WASF2: variants seen among roughly 807,000 people sequenced by gnomAD.
WASF2 encodes the protein actin-binding protein WASF2.
In WASF2, 14 loss-of-function variants were observed where a neutral mutation model predicts 45.0. The observed-to-expected ratio is 0.31, with a 90% confidence interval of 0.21 to 0.49. WASF2 has a LOEUF of 0.49. Ranked by LOEUF, WASF2 falls within the 20% of genes least tolerant of loss-of-function variation. WASF2 has a pLI of 0.99. For synonymous variants in WASF2, 200 were observed against 236.3 expected (o/e 0.85, Z 1.41); for missense variants, 439 against 636.1 (o/e 0.69, Z 3.33).
chr1:27,408,831 G>A (rs947320047), intron 8 of WASF2, among the ~76,000 whole-genome samples: 2 of 152,008 alleles, frequency 1.3e-5, no homozygotes, highest in Non-Finnish European at 2.9e-5. Context: ...GGGAGGGAAG[G>A]GGAGGGGAGG....
intron 1 of WASF2, among the ~76,000 whole-genome samples, chr1:27,444,412 T>C (rs1039871679): frequency 2.6e-5 from 4 of 152,178 alleles, no homozygotes; most frequent in African/African-American, 9.7e-5. Context: ...TGTGATAACA[T>C]ATGTAAGCAT....
chr1:27,420,049 TGC>T (rs1271180983), intron 2 of WASF2, among the ~76,000 whole-genome samples: 1 of 152,070 alleles, frequency 6.6e-6, no homozygotes, highest in Non-Finnish European at 1.5e-5. Context: ...GGATTACAGA[TGC>T]GCACCACCAT....
At chr1:27,473,477 A>G (rs1358582683) in intron 1 of WASF2, among the ~76,000 whole-genome samples, 1 of 151,266 alleles carries the variant, frequency 6.6e-6, no homozygotes, top group Non-Finnish European at 1.5e-5. Flanking sequence ...AAAAAAAAGA[A>G]AGAAAAAAAA....
chr1:27,452,135 C>T (rs1449568441), intron 1 of WASF2, among the ~76,000 whole-genome samples: 1 of 152,138 alleles, frequency 6.6e-6, no homozygotes, highest in Non-Finnish European at 1.5e-5. Context: ...AAAAGAAGAA[C>T]TAGGGAGAAC....
At chr1:27,475,361 C>T (rs1410485408) in intron 1 of WASF2, among the ~76,000 whole-genome samples, 2 of 152,188 alleles carry the variant, frequency 1.3e-5, no homozygotes, top group Non-Finnish European at 2.9e-5. Flanking sequence ...TAATACATAG[C>T]CATGGTAGGC....
At chr1:27,430,222 G>A (rs931105207) in intron 1 of WASF2, among the ~76,000 whole-genome samples, 5 of 152,204 alleles carry the variant, frequency 3.3e-5, no homozygotes, top group African/African-American at 1.2e-4. Context: ...ACAATGAACT[G>A]ATCCTCTTTC....
In WASF2 at chr1:27,410,737, G is replaced by A. The variant is rs1373541341; in HGVS notation, c.825-531C>T. On this transcript the variant is annotated intron_variant, in intron 7 of 8. Transcript: ENST00000618852. The surrounding 1 kb of genome is among the most constrained non-coding windows in gnomAD (Gnocchi z 4.2). ...CAAGCCAGGCTGACCACACCTGAGT[G>A]GGATATAGATTTAGGTGAATGCATC... is the stretch of plus-strand genomic sequence containing the variant. 2.0e-5 allele frequency among the ~76,000 whole-genome samples: 3 copies of A among 152,232 alleles called. No individual in the cohort carries two copies. The highest frequency in any genetic ancestry group is 4.4e-5 in the Non-Finnish European group (3 of 68,044).
At chr1:27,454,835 C>T (rs1272401248) in intron 1 of WASF2, among the ~76,000 whole-genome samples, 1 of 152,174 alleles carries the variant, frequency 6.6e-6, no homozygotes, top group Non-Finnish European at 1.5e-5. Flanking sequence ...TCATGATTAA[C>T]TTATCCAATC....
At position 27,444,594 on chromosome 1, in the gene WASF2, G is replaced by A. The variant is rs1167396246; in HGVS notation, c.-43-15661C>T. Among the ~76,000 whole-genome samples, 6 of 152,128 alleles carry A rather than the reference G, an allele frequency of 3.9e-5. No individual in the cohort carries two copies. In the East Asian group the frequency reaches 5.8e-4, roughly 15 times the overall value. ...CATTACACAAAGGTGTTCCTAAATGGTCCTCTTTTATTTGGTTTCAGTGGA... is the reference window on the plus strand; with the variant it reads ...CATTACACAAAGGTGTTCCTAAATGATCCTCTTTTATTTGGTTTCAGTGGA... On this transcript the variant is annotated intron_variant, in intron 1 of 8. Transcript: ENST00000618852.
chr1:27,411,878 A>T (rs2016765582), intron 7 of WASF2, among the ~76,000 whole-genome samples: 2 of 152,338 alleles, frequency 1.3e-5, no homozygotes, highest in African/African-American at 4.8e-5. Flanking sequence ...TAAATAAATA[A>T]GTAAATAAAA....
In WASF2 at chr1:27,404,946, C is replaced by G. The variant is rs2016643975; in HGVS notation, c.*3243G>C. The G allele has an allele frequency of 1.3e-5, 2 of 152,990 alleles. No individual in the cohort carries two copies. Among genetic ancestry groups the G allele is most frequent in the African/African-American group, 4.8e-5 (2 of 41,470 alleles). 9.5% of individuals were successfully genotyped at this position (152,990 alleles called of 1,614,324 possible). A position where few individuals can be genotyped will look rare whatever the true frequency, so the allele number is the denominator to read the frequency against. The stretch of plus-strand genomic sequence containing the variant: ...TGACATCTCTCATGAGCAAAGCCCC[C>G]TGGCCTTGGAGCACTGGCTCCCTCC... On this transcript the variant is annotated 3_prime_UTR_variant, in exon 9 of 9. Coordinates refer to ENST00000618852, the MANE Select transcript of WASF2 (RefSeq NM_006990.5).
intron 1 of WASF2, among the ~76,000 whole-genome samples, chr1:27,454,175 ATATATATATATATTTTTT>A (rs1183204248): frequency 0.24 from 7,874 of 33,266 alleles, 322 homozygotes; most frequent in Non-Finnish European, 0.3. Flanking sequence ...ATATATATAT[ATATATATATATATTTTTT>A]TTTTTTTTTT....
In WASF2 at chr1:27,410,364, C is replaced by A. The variant is rs2016745837; in HGVS notation, c.825-158G>T. Among the ~76,000 whole-genome samples the A allele has an allele frequency of 6.6e-6, 1 of 152,130 alleles. No individual in the cohort carries two copies. The highest frequency in any genetic ancestry group is 2.4e-5 in the African/African-American group (1 of 41,414). On this transcript the variant is annotated intron_variant, in intron 7 of 8. Coordinates refer to ENST00000618852, the MANE Select transcript of WASF2 (RefSeq NM_006990.5). This position sits in a 1 kb window ranked among gnomAD's most constrained non-coding sequence, Gnocchi z 4.2. ...AAGCCTACAGATGGTCATAACAGAC[C>A]AATAATGAAATAAGCAGCCTTTTAA... is the stretch of plus-strand genomic sequence containing the variant.
In WASF2 at chr1:27,480,680, C is replaced by A. The variant is rs1416384226; in HGVS notation, c.-44+9306G>T. Reference sequence around the variant, plus strand: ...TCTTGTTACTTTACTATGTCAATTACAAAGCTTAAAATTCACACAAGCCAC... The same window carrying A: ...TCTTGTTACTTTACTATGTCAATTAAAAAGCTTAAAATTCACACAAGCCAC... On this transcript the variant is annotated intron_variant, in intron 1 of 8. Coordinates refer to ENST00000618852, the MANE Select transcript of WASF2 (RefSeq NM_006990.5). Among the ~76,000 whole-genome samples, 3 of 152,102 alleles carry A rather than the reference C, an allele frequency of 2.0e-5. No homozygotes were observed. In the South Asian group the frequency reaches 6.2e-4, roughly 31 times the overall value.
chr1:27,486,860 G>C (rs1290198263), intron 1 of WASF2, among the ~76,000 whole-genome samples: 1 of 151,376 alleles, frequency 6.6e-6, no homozygotes, highest in South Asian at 2.1e-4. Flanking sequence ...GGAGGCGGAG[G>C]TTGCAGTAAG....
chr1:27,477,264 G>GCGC (rs2017778494), intron 1 of WASF2, among the ~76,000 whole-genome samples: 1 of 152,188 alleles, frequency 6.6e-6, no homozygotes, highest in Admixed American at 6.6e-5. Context: ...TTAAGGCCAG[G>GCGC]CGCGGTGGCT....
intron 5 of WASF2, among the ~76,000 whole-genome samples, chr1:27,415,197 A>AC (rs1242285170): frequency 6.6e-6 from 1 of 152,146 alleles, no homozygotes; most frequent in Non-Finnish European, 1.5e-5. Flanking sequence ...AGCAACGGGA[A>AC]CCCCACTTCC....
At position 27,408,336 on chromosome 1, in the gene WASF2, C is replaced by T. The variant is rs1179177057; in HGVS notation, c.1350G>A (p.Leu450=). The stretch of plus-strand genomic sequence containing the variant: ...GTTCCCGCTGCTCCTCAACCCTGCG[C>T]AGCTGAAAACCTAGTGGCAAAGAGA... ...LLSAIRQGFQ[L]RRVEEQREQE... is the part of the protein sequence containing the mutation. The change falls in exon 9 of 9, where the codon CTG becomes CTA. Residue 450 remains leucine (L), a synonymous_variant. Transcript: ENST00000618852. 6.2e-7 allele frequency: 1 copy of T among 1,614,230 alleles called. No homozygotes were observed. Among genetic ancestry groups the T allele is most frequent in the Non-Finnish European group, 8.5e-7 (1 of 1,180,044 alleles).
chr1:27,451,844 T>G (rs1557611035), intron 1 of WASF2, among the ~76,000 whole-genome samples: 1 of 152,208 alleles, frequency 6.6e-6, no homozygotes. Context: ...CGCCTAAAAC[T>G]GCAGATAGTA....
Sources: gnomAD v4.1 joint callset for allele counts (sites outside exome capture counted in the v4.1 genomes callset) on GRCh38, gnomAD v4.1.1 for gene constraint, Gnocchi (gnomAD v3.1) non-coding constraint, MANE v1.5 for transcripts, NCBI Gene and HGNC (gene_info 2026-07-23, HGNC 2026-07-21) for gene names.